Variants in DZIP3 observed in about 807,000 individuals in gnomAD.
DZIP3 encodes the protein DAZ interacting zinc finger protein 3, also known as E3 ubiquitin-protein ligase DZIP3.
DZIP3 carries 118 observed loss-of-function variants against 162.0 expected under a neutral mutation model. That is an observed-to-expected ratio of 0.73 (90% CI 0.63 to 0.85). DZIP3 has a LOEUF of 0.85. Among genes scored for constraint, DZIP3 ranks in the 40% least tolerant of loss-of-function variants. The pLI is 0.00. For missense variants in DZIP3, 1,331 were observed against 1,407.0 expected, an observed-to-expected ratio of 0.95 and a Z score of 0.86; for synonymous variants, 438 against 458.6, an observed-to-expected ratio of 0.96 and a Z score of 0.57.
In DZIP3 at chr3:108,686,524, C is replaced by T; in HGVS notation, c.3089C>T (p.Ser1030Phe). The change falls in exon 28 of 33, where the codon TCC becomes TTC. Residue 1030 changes from serine to phenylalanine, a missense_variant. Physicochemically the swap from Ser to Phe is radical, Grantham distance 155. Transcript: ENST00000361582. ...PPSAGLRSDP[S>F]IMNWERITDR... ...AGTGCAGGTCTGCGGAGTGATCCCTCCATCATGAATTGGGAGAGAATTACA... is the reference window on the plus strand; with the variant it reads ...AGTGCAGGTCTGCGGAGTGATCCCTTCATCATGAATTGGGAGAGAATTACA... 4.3e-6 allele frequency: 7 copies of T among 1,612,150 alleles called. No homozygotes were observed. The highest frequency in any genetic ancestry group is 5.9e-6 in the Non-Finnish European group (7 of 1,179,456).
At chr3:108,617,219 A>C (rs562602067) in intron 5 of DZIP3, among the ~76,000 whole-genome samples, 1 of 152,322 alleles carries the variant, frequency 6.6e-6, no homozygotes, top group Non-Finnish European at 1.5e-5. Context: ...AGTTAATAAC[A>C]ATGTATTATA....
chr3:108,682,757 A>T (rs1944366595), intron 26 of DZIP3, among the ~76,000 whole-genome samples: 2 of 150,850 alleles, frequency 1.3e-5, no homozygotes, highest in Non-Finnish European at 2.9e-5. Flanking sequence ...AGAAGAGAGG[A>T]TTTTGAATAT....
rs568332863 is a variant in DZIP3, at chr3:108,627,090, A to G, written c.581+1121A>G. On this transcript the variant is annotated intron_variant, in intron 7 of 32. Transcript: ENST00000361582. ...TCTGAGCAGCATGTGCCATCAATAT[A>G]GTGGGGCTAGTGTGATGCTTTGTAG... is the stretch of plus-strand genomic sequence containing the variant. Among the ~76,000 whole-genome samples the G allele has an allele frequency of 1.4e-4, 21 of 152,328 alleles. No individual in the cohort carries two copies. In the East Asian group the frequency reaches 4.1e-3, roughly 29 times the overall value.
chr3:108,624,300 G>A (rs13090268), intron 5 of DZIP3, 144 bp from the exon 6 acceptor site: 23 of 332,982 alleles, frequency 6.9e-5, no homozygotes, highest in East Asian at 1.5e-4. Context: ...ATACATTATC[G>A]TTATTATTAG....
In DZIP3 at chr3:108,684,172, T is replaced by TGG. The variant is rs146441770; in HGVS notation, c.2884-36_2884-35dup. 6.0e-3 allele frequency: 8,799 copies of TGG among 1,478,664 alleles called. 10 individuals are homozygous for TGG. Among genetic ancestry groups the TGG allele is most frequent in the Non-Finnish European group, 6.9e-3 (7,534 of 1,096,776 alleles). The allele number at this position is 1,478,664 out of a possible 1,614,324, so 91.6% of individuals were successfully genotyped here. A position where few individuals can be genotyped will look rare whatever the true frequency, so the allele number is the denominator to read the frequency against. On this transcript the variant is annotated intron_variant, in intron 26 of 32. Transcript: ENST00000361582. ...TTGCCTAAATAAATATATAAATATG[T>TGG]GGGGGGGGGTGTTGTTTATTATTGT... is the stretch of plus-strand genomic sequence containing the variant.
intron 1 of DZIP3, among the ~76,000 whole-genome samples, chr3:108,603,661 ATCTC>A (rs573912944): frequency 3.8e-4 from 58 of 152,266 alleles, no homozygotes; most frequent in Admixed American, 9.2e-4. Context: ...TTAGAAGGAA[ATCTC>A]TCTCTCTGTG....
intron 19 of DZIP3, 37 bp downstream of exon 19, chr3:108,654,347 T>C: frequency 1.2e-6 from 2 of 1,610,956 alleles, no homozygotes; most frequent in Non-Finnish European, 1.7e-6. Context: ...CCTTCTCTTA[T>C]TGTTATCTGG....
Position 108,688,579 on chromosome 3 carries a change from G to C in DZIP3, c.3271-14G>C. On this transcript the variant is annotated splice_polypyrimidine_tract_variant and intron_variant, in intron 29 of 32. Transcript: ENST00000361582. ...ATAATTCTGAAAAAATAAACATTAT[G>C]TTCTTATTTTCAGAGTCAAGGAAAA... The C allele has an allele frequency of 6.2e-7, 1 of 1,609,172 alleles. No individual in the cohort carries two copies. Among genetic ancestry groups the C allele is most frequent in the South Asian group, 1.1e-5 (1 of 90,108 alleles).
intron 19 of DZIP3, among the ~76,000 whole-genome samples, chr3:108,660,452 T>G (rs1171036740): frequency 6.6e-6 from 1 of 152,170 alleles, no homozygotes; most frequent in Non-Finnish European, 1.5e-5. Context: ...AAGCTGAAAC[T>G]GGATCCCTTC....
intron 19 of DZIP3, 105 bp downstream of exon 19, chr3:108,654,415 G>C (rs773998638): frequency 1.7e-5 from 21 of 1,234,034 alleles, no homozygotes; most frequent in Non-Finnish European, 2.5e-5. Context: ...GGTTTATACT[G>C]TTTGTGAGGA....
chr3:108,682,957 CAGT>C (rs1944374327), intron 26 of DZIP3, among the ~76,000 whole-genome samples: 1 of 150,802 alleles, frequency 6.6e-6, no homozygotes, highest in African/African-American at 2.5e-5. Context: ...ACTGTTGACT[CAGT>C]ACCCACCATT....
chr3:108,641,847 AT>A (rs879546337), intron 12 of DZIP3, among the ~76,000 whole-genome samples: 4 of 152,030 alleles, frequency 2.6e-5, no homozygotes, highest in Non-Finnish European at 5.9e-5. Context: ...GTTGTCCAAT[AT>A]TTTTTTGTTT....
chr3:108,674,966 T>G (rs777837981), intron 24 of DZIP3, among the ~76,000 whole-genome samples: 66 of 151,958 alleles, frequency 4.3e-4, no homozygotes, highest in Non-Finnish European at 7.7e-4. Flanking sequence ...AGTACTGTTG[T>G]AAATGATCAG....
At chr3:108,642,999 T>C (rs1942466714) in intron 13 of DZIP3, among the ~76,000 whole-genome samples, 1 of 152,168 alleles carries the variant, frequency 6.6e-6, no homozygotes, top group Admixed American at 6.5e-5. Context: ...CCTGGGCCCA[T>C]AGAAGAATAG....
At position 108,686,372 on chromosome 3, in the gene DZIP3, C is replaced by T. The variant is rs13353500; in HGVS notation, c.3010-73C>T. On this transcript the variant is annotated intron_variant, in intron 27 of 32. Coordinates refer to ENST00000361582, the MANE Select transcript of DZIP3 (RefSeq NM_014648.4). Reference sequence around the variant, plus strand: ...TGCCAGTACGCTTCTTCATTGTACCCATTTTCTGAGGTATAGGAATGTCAC... The same window carrying T: ...TGCCAGTACGCTTCTTCATTGTACCTATTTTCTGAGGTATAGGAATGTCAC... 3.6e-3 allele frequency: 4,931 copies of T among 1,379,932 alleles called. 161 individuals carry two copies. In the African/African-American group the frequency reaches 0.065, roughly 18 times the overall value. 85.5% of individuals were successfully genotyped at this position (1,379,932 alleles called of 1,614,324 possible). A position where few individuals can be genotyped will look rare whatever the true frequency, so the allele number is the denominator to read the frequency against.
chr3:108,658,586 G>C (rs1450161628), intron 19 of DZIP3, among the ~76,000 whole-genome samples: 7 of 152,096 alleles, frequency 4.6e-5, no homozygotes, highest in South Asian at 2.1e-4. Flanking sequence ...AAGAACTAGA[G>C]AAGCAAGAGC....
chr3:108,652,808 G>A (rs914668566), intron 18 of DZIP3, among the ~76,000 whole-genome samples: 50 of 151,868 alleles, frequency 3.3e-4, no homozygotes, highest in African/African-American at 1.0e-3. Context: ...ACATACTTAC[G>A]TGTTACAACT....
intron 4 of DZIP3, among the ~76,000 whole-genome samples, chr3:108,616,263 CAAAA>C (rs980174267): frequency 9.0e-6 from 1 of 111,538 alleles, no homozygotes; most frequent in African/African-American, 3.9e-5. Context: ...GACTCCATCT[CAAAA>C]ATAAATAAAT....
At chr3:108,672,207 G>T (rs1010831604) in intron 22 of DZIP3, among the ~76,000 whole-genome samples, 4 of 151,840 alleles carry the variant, frequency 2.6e-5, no homozygotes, top group Non-Finnish European at 5.9e-5. Context: ...TCACTTCGGG[G>T]GTTAAGATTT....
Sources: allele counts gnomAD v4.1 joint callset (sites outside exome capture counted in the v4.1 genomes callset), GRCh38; gene constraint gnomAD v4.1.1; transcripts MANE v1.5; gene names NCBI Gene and HGNC (gene_info 2026-07-23, HGNC 2026-07-21).